Variants in CAMK2D observed in about 807,000 individuals in gnomAD.
The protein encoded by CAMK2D is calcium/calmodulin dependent protein kinase II delta.
A neutral mutation model predicts 84.0 loss-of-function variants in CAMK2D; 37 were observed. The observed-to-expected ratio is 0.44, with a 90% CI of 0.34 to 0.58. CAMK2D has a LOEUF of 0.58. CAMK2D is among the 20% of genes least tolerant of loss of function. CAMK2D has a pLI of 0.02. For missense variants in CAMK2D, 448 were observed against 652.5 expected (o/e 0.69, Z 3.41); for synonymous variants, 202 against 212.5 (o/e 0.95, Z 0.43).
At chr4:113,511,855 G>C (rs927350124) in intron 12 of CAMK2D, among the ~76,000 whole-genome samples, 2 of 152,064 alleles carry the variant, frequency 1.3e-5, no homozygotes, top group Non-Finnish European at 2.9e-5. Flanking sequence ...CCTTTGAAAG[G>C]CCTCTTATGG....
chr4:113,542,582 G>A (rs998972156), intron 6 of CAMK2D, among the ~76,000 whole-genome samples: 2 of 152,040 alleles, frequency 1.3e-5, no homozygotes, highest in African/African-American at 2.4e-5. Flanking sequence ...GGGCATGGTG[G>A]CGGGCGCCTG....
intron 3 of CAMK2D, among the ~76,000 whole-genome samples, chr4:113,623,263 T>C (rs1296259790): frequency 1.3e-5 from 2 of 152,176 alleles, no homozygotes; most frequent in African/African-American, 4.8e-5. Context: ...TTGCTAGTTC[T>C]CTCATTAGTA....
chr4:113,645,563 C>G (rs2099148474), intron 3 of CAMK2D, among the ~76,000 whole-genome samples: 1 of 152,136 alleles, frequency 6.6e-6, no homozygotes, highest in African/African-American at 2.4e-5. Context: ...AGATAACCAA[C>G]CTTTCTCTTT....
At chr4:113,613,109 T>C (rs1214605280) in intron 3 of CAMK2D, among the ~76,000 whole-genome samples, 1 of 152,156 alleles carries the variant, frequency 6.6e-6, no homozygotes, top group Non-Finnish European at 1.5e-5. Flanking sequence ...TTAAAAGATA[T>C]AATAAAACTT....
At chr4:113,669,467 G>T (rs2099270850) in intron 2 of CAMK2D, among the ~76,000 whole-genome samples, 1 of 152,124 alleles carries the variant, frequency 6.6e-6, no homozygotes. Flanking sequence ...TGTAGAACAG[G>T]TACACTGGAG....
chr4:113,546,585 T>C (rs922230580), intron 6 of CAMK2D, among the ~76,000 whole-genome samples: 1 of 152,232 alleles, frequency 6.6e-6, no homozygotes, highest in African/African-American at 2.4e-5. Context: ...ATTTATAATT[T>C]TTTTTATAAC....
chr4:113,501,303 T>TTTTTTTTTTTTTTTTTGAG (rs1490828724), intron 15 of CAMK2D, among the ~76,000 whole-genome samples: 1 of 151,882 alleles, frequency 6.6e-6, no homozygotes, highest in East Asian at 1.9e-4. Flanking sequence ...ATACATTTCT[T>TTTTTTTTTTTTTTTTTGAG]AAAATGGTGT....
At chr4:113,478,352 TAC>T (rs1475700199) in intron 16 of CAMK2D, among the ~76,000 whole-genome samples, 1 of 152,234 alleles carries the variant, frequency 6.6e-6, no homozygotes, top group East Asian at 1.9e-4. Flanking sequence ...TACAGATGTT[TAC>T]ACACATCTCA....
At chr4:113,664,443 T>C (rs1255874754) in intron 2 of CAMK2D, among the ~76,000 whole-genome samples, 6 of 152,206 alleles carry the variant, frequency 3.9e-5, no homozygotes, top group Non-Finnish European at 7.3e-5. Flanking sequence ...ATCTGAAATC[T>C]TGACTGAGGA....
At chr4:113,493,170 T>A (rs2097868332) in intron 16 of CAMK2D, among the ~76,000 whole-genome samples, 1 of 151,054 alleles carries the variant, frequency 6.6e-6, no homozygotes, top group Admixed American at 6.6e-5. Flanking sequence ...TATGTGTGAA[T>A]TTGATCCTGT....
intron 6 of CAMK2D, among the ~76,000 whole-genome samples, chr4:113,546,722 A>G (rs1418436820): frequency 6.6e-6 from 1 of 152,216 alleles, no homozygotes; most frequent in East Asian, 1.9e-4. Context: ...TGAAAGAATC[A>G]AAACTATATA....
At chr4:113,711,601 T>C (rs1393568794) in intron 2 of CAMK2D, among the ~76,000 whole-genome samples, 1 of 152,176 alleles carries the variant, frequency 6.6e-6, no homozygotes, top group Non-Finnish European at 1.5e-5. Flanking sequence ...ATGGTTATTC[T>C]GCAAAGAGTA....
At chr4:113,475,780 T>C (rs1198396755) in intron 16 of CAMK2D, among the ~76,000 whole-genome samples, 5 of 152,364 alleles carry the variant, frequency 3.3e-5, no homozygotes, top group African/African-American at 1.2e-4. Context: ...TCATGTTTTC[T>C]AGCTTATTCT....
At chr4:113,707,971 G>A (rs2099467308) in intron 2 of CAMK2D, among the ~76,000 whole-genome samples, 1 of 152,082 alleles carries the variant, frequency 6.6e-6, no homozygotes, top group South Asian at 2.1e-4. Context: ...CAATACATAA[G>A]ATTTTGAATT....
intron 8 of CAMK2D, among the ~76,000 whole-genome samples, chr4:113,519,367 C>T (rs1045069836): frequency 2.6e-5 from 4 of 152,090 alleles, no homozygotes; most frequent in African/African-American, 7.2e-5. Flanking sequence ...AGGAAGCTCA[C>T]AGAGGGCTCA....
intron 16 of CAMK2D, among the ~76,000 whole-genome samples, chr4:113,481,670 TG>T (rs1464312562): frequency 1.3e-5 from 2 of 152,050 alleles, no homozygotes; most frequent in Admixed American, 1.3e-4. Context: ...TTAGTAGAGA[TG>T]GGGTTTTGTC....
At chr4:113,465,697 C>A in intron 16 of CAMK2D, 93 bp from the exon 17 acceptor site, 1 of 768,744 alleles carries the variant, frequency 1.3e-6, no homozygotes, top group Non-Finnish European at 2.3e-6. Context: ...TAGGGTCTCA[C>A]TCTGTCACCC....
intron 19 of CAMK2D, 77 bp downstream of exon 19, chr4:113,457,258 C>G: frequency 1.3e-6 from 2 of 1,562,770 alleles, no homozygotes; most frequent in Non-Finnish European, 1.7e-6. Context: ...ATATACCATG[C>G]TATTAACAAT....
chr4:113,577,486 G>C lies in CAMK2D; in HGVS notation c.276-25390C>G, dbSNP rs72678735. ...CTCCTTCATCCACATACACTATACT[G>C]ATCATAAGTCTTCTCACTGTCACTA... On this transcript the variant is annotated intron_variant, in intron 4 of 20. Coordinates refer to ENST00000511664, the MANE Select transcript of CAMK2D (RefSeq NM_001321571.2). Among the ~76,000 whole-genome samples the C allele has an allele frequency of 4.0e-3, 603 of 152,136 alleles. 9 individuals are homozygous for C. Among genetic ancestry groups the C allele is most frequent in the Middle Eastern group, 0.031 (9 of 294 alleles).
Sources: allele counts gnomAD v4.1 joint callset (sites outside exome capture counted in the v4.1 genomes callset), GRCh38; gene constraint gnomAD v4.1.1; transcripts MANE v1.5; gene names NCBI Gene and HGNC (gene_info 2026-07-23, HGNC 2026-07-21).